SGSM2: variants seen among roughly 807,000 people sequenced by gnomAD.
SGSM2 encodes the protein RUN and TBC1 domain containing 1.
Under a neutral mutation model 126.6 loss-of-function variants are expected in SGSM2, and 89 were observed. The observed-to-expected ratio is 0.70, with a 90% CI of 0.59 to 0.84. The LOEUF (loss-of-function observed/expected upper bound fraction) is 0.84. Among genes scored for constraint, SGSM2 ranks in the 40% least tolerant of loss-of-function variants. The probability of loss-of-function intolerance (pLI) is 0.00; values close to 1 mark genes in which losing one functional copy is unlikely to be tolerated. For missense variants in SGSM2, 1,404 were observed against 1,416.6 expected, an observed-to-expected ratio of 0.99 and a Z score of 0.14; for synonymous variants, 614 against 574.3, an observed-to-expected ratio of 1.07 and a Z score of -0.99.
At chr17:2,351,541 G>A (rs981882687) in intron 2 of SGSM2, among the ~76,000 whole-genome samples, 2 of 152,136 alleles carry the variant, frequency 1.3e-5, no homozygotes, top group Non-Finnish European at 2.9e-5. Context: ...GGTTCCCTGG[G>A]TAGCCGCCAT....
rs1449134289 is a variant in SGSM2, at chr17:2,379,219, G to A, written c.3067+16G>A. On this transcript the variant is annotated intron_variant, in intron 23 of 23. Transcript: ENST00000268989. ...TTTTTCAATGGTACGAGCTGGTCCA[G>A]CCATCCAGGCTGCCCTGAGCAGAGG... is the stretch of plus-strand genomic sequence containing the variant. 2.5e-6 allele frequency: 4 copies of A among 1,613,804 alleles called. No individual in the cohort carries two copies. Among genetic ancestry groups the A allele is most frequent in the South Asian group, 1.1e-5 (1 of 91,076 alleles).
chr17:2,346,420 C>T (rs1311583821), intron 2 of SGSM2, among the ~76,000 whole-genome samples: 1 of 152,170 alleles, frequency 6.6e-6, no homozygotes, highest in Non-Finnish European at 1.5e-5. Context: ...AAACACAGAG[C>T]CTTCCTGGAG....
At chr17:2,376,690 A>G (rs1202050970) in intron 19 of SGSM2, 43 bp from the exon 20 acceptor site, 1 of 1,603,836 alleles carries the variant, frequency 6.2e-7, no homozygotes, top group Non-Finnish European at 8.5e-7. Context: ...CGAGGGAGGG[A>G]AGAATGGGGC....
intron 1 of SGSM2, among the ~76,000 whole-genome samples, chr17:2,338,768 C>T (rs188120874): frequency 1.1e-5 from 1 of 87,474 alleles, no homozygotes; most frequent in African/African-American, 5.2e-5. Context: ...TCTATGCCGT[C>T]TCCCTAATAT....
intron 2 of SGSM2, among the ~76,000 whole-genome samples, chr17:2,352,043 C>T (rs2064876346): frequency 6.6e-6 from 1 of 152,188 alleles, no homozygotes; most frequent in African/African-American, 2.4e-5. Context: ...AAGAGAGGGG[C>T]AGGTCACACT....
chr17:2,373,020 A>G lies in SGSM2; in HGVS notation c.1856A>G (p.Asp619Gly). 2.5e-6 allele frequency: 4 copies of G among 1,603,586 alleles called. No homozygotes were observed. The South Asian group carries it at 4.5e-5, about 18-fold the overall frequency. Residue 619 changes from aspartate to glycine, a missense_variant, in exon 16 of 24, where the codon GAC (aspartate) becomes GGC (glycine). By Grantham distance (94) the Asp-to-Gly change is moderately conservative. Transcript: ENST00000268989. ...GGCATAGAGCACGAGATCCGCAAGG[A>G]CGTCTGGCCCTTTCTGCTTGGCCAC... is the stretch of plus-strand genomic sequence containing the variant. ...YGGIEHEIRK[D>G]VWPFLLGHYK... is the part of the protein sequence containing the mutation.
In SGSM2 at chr17:2,363,865, G is replaced by GA. The variant is rs1438472202; in HGVS notation, c.808-193dup. On this transcript the variant is annotated intron_variant, in intron 7 of 23. Transcript: ENST00000268989. The surrounding 1 kb of genome is among the most constrained non-coding windows in gnomAD (Gnocchi z 4.2). ...CCTGGCATCCAGGAGGCTGGCAGGA[G>GA]AGAGTCAGTGGCACCAGGCTGACCA... The GA allele has an allele frequency of 9.0e-5, 71 of 785,476 alleles. No individual in the cohort carries two copies. The East Asian group carries it at 1.3e-3, about 14-fold the overall frequency. The allele number at this position is 785,476 out of a possible 1,614,324, so 48.7% of individuals were successfully genotyped here.
At position 2,372,519 on chromosome 17, in the gene SGSM2, T is replaced by C; in HGVS notation, c.1788+31T>C. The C allele has an allele frequency of 1.3e-6, 2 of 1,590,862 alleles. No individual in the cohort carries two copies. Among genetic ancestry groups the C allele is most frequent in the African/African-American group, 2.7e-5 (2 of 73,788 alleles). On this transcript the variant is annotated intron_variant, in intron 15 of 23. Transcript: ENST00000268989. The surrounding 1 kb of genome is among the most constrained non-coding windows in gnomAD (Gnocchi z 6.0). ...AACCCTGGGGTTCCAGGGCCACAGG[T>C]CGAGGGGCTGGGGCGGGCAGGAGTG...
At chr17:2,360,213 G>T (rs1011689022) in intron 2 of SGSM2, among the ~76,000 whole-genome samples, 2 of 152,158 alleles carry the variant, frequency 1.3e-5, no homozygotes, top group African/African-American at 4.8e-5. Context: ...ATGGTGGTGT[G>T]TGCCTGTAGT....
At position 2,373,224 on chromosome 17, in the gene SGSM2, C is replaced by T. The variant is rs113461772; in HGVS notation, c.1918-107C>T. 2.6e-4 allele frequency: 399 copies of T among 1,533,570 alleles called. 4 individuals are homozygous for T. The East Asian group carries it at 3.5e-3, about 13-fold the overall frequency. 95.0% of individuals were successfully genotyped at this position (1,533,570 alleles called of 1,614,324 possible). ...GCTCCACCGTCCTTACCCTGAGGCC[C>T]GTCTTGAGTCTGAGACTCAGGACCC... On this transcript the variant is annotated intron_variant, in intron 16 of 23. Transcript: ENST00000268989.
At chr17:2,338,342 C>T (rs984496069) in intron 1 of SGSM2, among the ~76,000 whole-genome samples, 1 of 151,054 alleles carries the variant, frequency 6.6e-6, no homozygotes, top group Non-Finnish European at 1.5e-5. Flanking sequence ...GAAGTTTTTC[C>T]CTTTTGAGGG....
At position 2,373,438 on chromosome 17, in the gene SGSM2, C is replaced by G; in HGVS notation, c.2025C>G (p.Thr675=). ...REREAHPATR[T]KFSSGSSIDS... ...GGGAGGCCCACCCAGCCACACGCAC[C>G]AAGTTCTCCTCAGGCAGCAGCATCG... Residue 675 remains threonine (T), a synonymous_variant, in exon 17 of 24, where the codon ACC becomes ACG. Coordinates refer to ENST00000268989, the MANE Select transcript of SGSM2 (RefSeq NM_014853.3). 6.2e-7 allele frequency: 1 copy of G among 1,611,160 alleles called. No individual in the cohort carries two copies. Among genetic ancestry groups the G allele is most frequent in the Non-Finnish European group, 8.5e-7 (1 of 1,179,982 alleles).
chr17:2,365,827 A>C (rs1463712289), intron 11 of SGSM2, among the ~76,000 whole-genome samples: 1 of 150,694 alleles, frequency 6.6e-6, no homozygotes, highest in Non-Finnish European at 1.5e-5. Flanking sequence ...GCTCACTGCA[A>C]CCTCTGCCCC....
chr17:2,365,066 G>C lies in SGSM2; in HGVS notation c.1161+9G>C, dbSNP rs377752553. 9.3e-6 allele frequency: 15 copies of C among 1,610,846 alleles called. No homozygotes were observed. The highest frequency in any genetic ancestry group is 1.2e-5 in the Non-Finnish European group (14 of 1,178,434). ...GGACCCAGCAAGGGAAGGTAACTCG[G>C]GTGGGAGGCTTTAGGGGAAGGGCTG... On this transcript the variant is annotated intron_variant, in intron 10 of 23. Coordinates refer to ENST00000268989, the MANE Select transcript of SGSM2 (RefSeq NM_014853.3).
chr17:2,365,407 G>A (rs918595111), intron 11 of SGSM2, 66 bp downstream of exon 11: 22 of 1,470,440 alleles, frequency 1.5e-5, no homozygotes, highest in Admixed American at 4.6e-5. Flanking sequence ...GGAGCGCAGC[G>A]TCACCCAGGA....
chr17:2,379,809 T>C lies in SGSM2; in HGVS notation c.*289T>C. ...CTCACACATCTGGGAGTAGCCCCAC[T>C]GCCACCTGCAGCCGCAGCCTGGACT... On this transcript the variant is annotated 3_prime_UTR_variant, in exon 24 of 24. Transcript: ENST00000268989. 1.5e-6 allele frequency: 2 copies of C among 1,329,890 alleles called. No homozygotes were observed. The highest frequency in any genetic ancestry group is 1.9e-6 in the Non-Finnish European group (2 of 1,035,760). The allele number at this position is 1,329,890 out of a possible 1,614,324, so 82.4% of individuals were successfully genotyped here. A position where few individuals can be genotyped will look rare whatever the true frequency, so the allele number is the denominator to read the frequency against.
chr17:2,377,017 C>T lies in SGSM2; in HGVS notation c.2751C>T (p.Pro917=), dbSNP rs1040718890. 15 of 1,613,778 alleles carry T rather than the reference C, an allele frequency of 9.3e-6. No homozygotes were observed. The African/African-American group carries it at 2.0e-4, about 22-fold the overall frequency. The change falls in exon 21 of 24, where the codon CCC becomes CCT. Residue 917 remains proline (P), a synonymous_variant. Coordinates refer to ENST00000268989, the MANE Select transcript of SGSM2 (RefSeq NM_014853.3). The part of the protein sequence containing the change: ...HLMKRMSQNF[P]NGGAMDTHFA... The stretch of plus-strand genomic sequence containing the variant: ...TGAAGAGGATGAGCCAGAACTTCCC[C>T]AACGGGGGTGCCATGGACACCCACT...
rs760193449 is a variant in SGSM2, at chr17:2,375,887, C to T, written c.2484+12C>T. ...CGGCTGCCTACACTGTGCGTACATGCTCCCCAGGCTGTTCCCAGCCGCCCC... is the reference window on the plus strand; with the variant it reads ...CGGCTGCCTACACTGTGCGTACATGTTCCCCAGGCTGTTCCCAGCCGCCCC... On this transcript the variant is annotated intron_variant, in intron 18 of 23. Transcript: ENST00000268989. 3 of 1,509,402 alleles carry T rather than the reference C, an allele frequency of 2.0e-6. No individual in the cohort carries two copies. The highest frequency in any genetic ancestry group is 1.3e-5 in the South Asian group (1 of 75,588). 93.5% of individuals were successfully genotyped at this position (1,509,402 alleles called of 1,614,324 possible).
chr17:2,372,768 A>C lies in SGSM2; in HGVS notation c.1789-185A>C. ...CCTGCCCCTTAAGGAAGGAGAGCAG[A>C]ACGAGATCTCATCCCACTGTGAGCT... On this transcript the variant is annotated intron_variant, in intron 15 of 23. Coordinates refer to ENST00000268989, the MANE Select transcript of SGSM2 (RefSeq NM_014853.3). This position sits in a 1 kb window ranked among gnomAD's most constrained non-coding sequence, Gnocchi z 6.0. The C allele has an allele frequency of 1.2e-6, 1 of 868,964 alleles. No homozygotes were observed. The highest frequency in any genetic ancestry group is 1.7e-6 in the Non-Finnish European group (1 of 577,268). The allele number at this position is 868,964 out of a possible 1,614,324, so 53.8% of individuals were successfully genotyped here. A position where few individuals can be genotyped will look rare whatever the true frequency, so the allele number is the denominator to read the frequency against.
Sources: gnomAD v4.1 joint callset for allele counts (sites outside exome capture counted in the v4.1 genomes callset) on GRCh38, gnomAD v4.1.1 for gene constraint, Gnocchi (gnomAD v3.1) non-coding constraint, MANE v1.5 for transcripts, NCBI Gene and HGNC (gene_info 2026-07-23, HGNC 2026-07-21) for gene names.